The following NUTF2 variants were observed in gnomAD, a reference collection of about 807,000 sequenced individuals.
The protein encoded by NUTF2 is placental protein 15.
A neutral mutation model predicts 18.5 loss-of-function variants in NUTF2; 3 were observed. The ratio of observed to expected loss-of-function variants is 0.16; its 90% CI spans 0.07 to 0.42. NUTF2 has a LOEUF of 0.42. Among genes scored for constraint, NUTF2 ranks in the 10% least tolerant of loss-of-function variants. The probability of loss-of-function intolerance (pLI) is 0.99; values close to 1 mark genes in which losing one functional copy is unlikely to be tolerated. For synonymous variants in NUTF2, 51 were observed against 57.9 expected (o/e 0.88, Z 0.54); for missense variants, 44 against 160.7 (o/e 0.27, Z 3.93).
intron 1 of NUTF2, among the ~76,000 whole-genome samples, chr16:67,851,554 C>T (rs8062294): frequency 0.053 from 8,061 of 152,070 alleles, 655 homozygotes; most frequent in African/African-American, 0.18. Context: ...ATGTGTACAA[C>T]TTGCAGTTTT....
chr16:67,863,430 G>A (rs986637480), intron 1 of NUTF2, among the ~76,000 whole-genome samples: 2 of 136,320 alleles, frequency 1.5e-5, no homozygotes, highest in African/African-American at 2.8e-5. Context: ...GTCACAGAGC[G>A]GAGGATTGGC....
intron 2 of NUTF2, among the ~76,000 whole-genome samples, chr16:67,866,007 T>C (rs1175192362): frequency 1.3e-5 from 2 of 152,152 alleles, no homozygotes; most frequent in East Asian, 1.9e-4. Context: ...CGTGAGCCAC[T>C]GCGCCCGGCA....
chr16:67,857,834 C>G (rs1320346284), intron 1 of NUTF2, among the ~76,000 whole-genome samples: 2 of 152,194 alleles, frequency 1.3e-5, no homozygotes, highest in Admixed American at 1.3e-4. Context: ...GCTGGGTGGA[C>G]AACAAATAAT....
chr16:67,864,703 G>T (rs1407498969), intron 1 of NUTF2, among the ~76,000 whole-genome samples: 1 of 152,066 alleles, frequency 6.6e-6, no homozygotes. Flanking sequence ...CTCTGTCCTT[G>T]CAGGTTGTTG....
At chr16:67,858,390 A>T (rs1021613884) in intron 1 of NUTF2, among the ~76,000 whole-genome samples, 82 of 152,046 alleles carry the variant, frequency 5.4e-4, no homozygotes, top group African/African-American at 1.9e-3. Flanking sequence ...CTGGTTTCAA[A>T]CTCCTGACCT....
At chr16:67,848,482 CTG>C (rs970005284) in intron 1 of NUTF2, among the ~76,000 whole-genome samples, 12 of 152,216 alleles carry the variant, frequency 7.9e-5, no homozygotes, top group African/African-American at 2.2e-4. Context: ...ACTCAGGAGA[CTG>C]AGGCAGGAGA....
chr16:67,858,594 A>G (rs1356642706), intron 1 of NUTF2, among the ~76,000 whole-genome samples: 1 of 152,216 alleles, frequency 6.6e-6, no homozygotes, highest in Admixed American at 6.5e-5. Context: ...AGCAGCAGTT[A>G]CAAAGCCCTG....
chr16:67,861,526 G>C (rs572479329), intron 1 of NUTF2, among the ~76,000 whole-genome samples: 1 of 152,336 alleles, frequency 6.6e-6, no homozygotes, highest in African/African-American at 2.4e-5. Flanking sequence ...CAGTTGCTGA[G>C]ACATTCTTGG....
intron 1 of NUTF2, among the ~76,000 whole-genome samples, chr16:67,848,941 T>C (rs1381396443): frequency 6.6e-6 from 1 of 152,206 alleles, no homozygotes; most frequent in African/African-American, 2.4e-5. Flanking sequence ...TTCTGGTCAC[T>C]TCTTCCAAGT....
At chr16:67,856,357 A>G (rs987384868) in intron 1 of NUTF2, among the ~76,000 whole-genome samples, 1 of 151,632 alleles carries the variant, frequency 6.6e-6, no homozygotes, top group African/African-American at 2.4e-5. Flanking sequence ...ACGCCTGGCA[A>G]ATTTTTATAT....
intron 1 of NUTF2, among the ~76,000 whole-genome samples, chr16:67,861,984 A>G (rs1405022330): frequency 2.6e-5 from 4 of 151,754 alleles, no homozygotes; most frequent in Non-Finnish European, 5.9e-5. Context: ...TCCTGTGTAC[A>G]AAACATGGTG....
At chr16:67,848,799 G>T (rs2057829657) in intron 1 of NUTF2, among the ~76,000 whole-genome samples, 1 of 151,438 alleles carries the variant, frequency 6.6e-6, no homozygotes. Context: ...CTGCAGCTCT[G>T]GCCTCAGGAG....
rs2057828318 is a variant in NUTF2 at position 67,848,747 on chromosome 16, AAAAG to A, written c.-30+1766_-30+1769del. 2.0e-5 allele frequency among the ~76,000 whole-genome samples: 3 copies of A among 151,390 alleles called. No homozygotes were observed. In the South Asian group the frequency reaches 6.2e-4, roughly 31 times the overall value. On this transcript the variant is annotated intron_variant, in intron 1 of 4. Transcript: ENST00000219169. ...ACAGAGCAAGACTCTGTCTCAAAAA[AAAAG>A]AAAAAGAAAAAAAAAAAAAGCAGCA...
chr16:67,855,239 C>G (rs932326587), intron 1 of NUTF2, among the ~76,000 whole-genome samples: 2 of 152,042 alleles, frequency 1.3e-5, no homozygotes, highest in Non-Finnish European at 2.9e-5. Context: ...CCTCTTTTTC[C>G]TCACCCTATC....
At chr16:67,865,044 G>A in intron 1 of NUTF2, 58 bp from the exon 2 acceptor site, 1 of 831,852 alleles carries the variant, frequency 1.2e-6, no homozygotes, top group South Asian at 1.5e-5. Context: ...GGGGTCAGTG[G>A]CTGGTCACCT....
chr16:67,859,204 G>C (rs758276227), intron 1 of NUTF2, among the ~76,000 whole-genome samples: 1 of 151,796 alleles, frequency 6.6e-6, no homozygotes, highest in African/African-American at 2.4e-5. Context: ...TGTTGAGATG[G>C]AGTCTCACTC....
chr16:67,865,140 A>G lies in NUTF2; in HGVS notation c.10A>G (p.Lys4Glu). 1 of 1,611,800 alleles carries G rather than the reference A, an allele frequency of 6.2e-7. No individual in the cohort carries two copies. The highest frequency in any genetic ancestry group is 8.5e-7 in the Non-Finnish European group (1 of 1,179,264). MGDKPIWEQIGSSF... is the reference protein window; with the variant it reads MGDEPIWEQIGSSF... ...CGGGTGACGCTCCAGAATGGGAGAC[A>G]AGCCAATTTGGGAGCAGATTGGATC... Residue 4 changes from lysine (K) to glutamate (E), a missense_variant, in exon 2 of 5, where the codon AAG (lysine) becomes GAG (glutamate). Coordinates refer to ENST00000219169, the MANE Select transcript of NUTF2 (RefSeq NM_005796.3).
At chr16:67,860,921 C>A (rs1254804535) in intron 1 of NUTF2, among the ~76,000 whole-genome samples, 1 of 152,206 alleles carries the variant, frequency 6.6e-6, no homozygotes, top group Non-Finnish European at 1.5e-5. Flanking sequence ...CTGACATCAT[C>A]CTCCATGAAA....
rs998740347 is a variant in NUTF2 at position 67,865,237 on chromosome 16, T to A, written c.99+8T>A. On this transcript the variant is annotated splice_region_variant and intron_variant, in intron 2 of 4. Coordinates refer to ENST00000219169, the MANE Select transcript of NUTF2 (RefSeq NM_005796.3). ...CAACTAGGCGCAATTTACGTAAGTT[T>A]CCAGCTCTAGGGCCAGAATGGACCC... 1 of 1,599,522 alleles carries A rather than the reference T, an allele frequency of 6.3e-7. No homozygotes were observed. The highest frequency in any genetic ancestry group is 8.6e-7 in the Non-Finnish European group (1 of 1,166,884).
Sources: allele counts gnomAD v4.1 joint callset (sites outside exome capture counted in the v4.1 genomes callset), GRCh38; gene constraint gnomAD v4.1.1; transcripts MANE v1.5; gene names NCBI Gene and HGNC (gene_info 2026-07-23, HGNC 2026-07-21).